ZNF248: variants seen among roughly 807,000 people sequenced by gnomAD.
ZNF248 encodes KRAB protein domain.
A neutral mutation model predicts 44.3 loss-of-function variants in ZNF248; 20 were observed. The ratio of observed to expected loss-of-function variants is 0.45; its 90% CI spans 0.32 to 0.66. ZNF248 has a LOEUF of 0.66. Among genes scored for constraint, ZNF248 ranks in the 30% least tolerant of loss-of-function variants. The pLI is 0.04. For synonymous variants in ZNF248, 224 were observed against 229.0 expected, an observed-to-expected ratio of 0.98 and a Z score of 0.20; for missense variants, 654 against 677.0, an observed-to-expected ratio of 0.97 and a Z score of 0.38.
chr10:37,819,371 A>G, intron 6 of ZNF248: 1 of 1,307,856 alleles, frequency 7.6e-7, no homozygotes, highest in South Asian at 1.2e-5. Context: ...TTCTTTATGA[A>G]TCCAGTATTC....
rs2057523886 is a variant in ZNF248 at position 37,837,815 on chromosome 10, GA to G, written c.143-104del. ...GGCACAGCTTCACCAGCTACTCAAAGAATGTGCACAAATGAACCAATCTCTG... is the reference window on the plus strand; with the variant it reads ...GGCACAGCTTCACCAGCTACTCAAAGATGTGCACAAATGAACCAATCTCTG... On this transcript the variant is annotated intron_variant, in intron 4 of 5. Transcript: ENST00000395867. The G allele has an allele frequency of 2.2e-6, 3 of 1,376,398 alleles. No individual in the cohort carries two copies. In the African/African-American group the frequency reaches 4.3e-5, roughly 20 times the overall value. The allele number at this position is 1,376,398 out of a possible 1,614,324, so 85.3% of individuals were successfully genotyped here. A position where few individuals can be genotyped will look rare whatever the true frequency, so the allele number is the denominator to read the frequency against.
chr10:37,758,890 C>T, the ZNF248 span, among the ~76,000 whole-genome samples: 8 of 152,312 alleles, frequency 5.3e-5, no homozygotes, highest in South Asian at 8.3e-4. Flanking sequence ...ACAGGATATG[C>T]GTTGTCCTTA....
chr10:37,791,502 T>C (rs564174839), intron 6 of ZNF248: 1 of 152,292 alleles, frequency 6.6e-6, no homozygotes, highest in Admixed American at 6.5e-5. Flanking sequence ...TTTTTCTGTT[T>C]TTCATATACC....
intron 6 of ZNF248, chr10:37,803,319 A>G (rs984188501): frequency 2.0e-5 from 3 of 152,264 alleles, no homozygotes; most frequent in African/African-American, 7.2e-5. Flanking sequence ...GGAGGAGCAC[A>G]GGGACAAGTT....
chr10:37,821,754 T>G (rs575649437), intron 6 of ZNF248, among the ~76,000 whole-genome samples: 3 of 152,294 alleles, frequency 2.0e-5, no homozygotes, highest in Admixed American at 2.0e-4. Context: ...AGGACAGGCT[T>G]GAAAACACAA....
intron 6 of ZNF248, among the ~76,000 whole-genome samples, chr10:37,780,075 A>G (rs2047091164): frequency 6.7e-6 from 1 of 150,138 alleles, no homozygotes; most frequent in East Asian, 1.9e-4. Flanking sequence ...AATATTGTGA[A>G]AATGGCCATA....
intron 3 of ZNF248, among the ~76,000 whole-genome samples, chr10:37,839,343 T>A (rs1392722526): frequency 6.6e-6 from 1 of 152,174 alleles, no homozygotes; most frequent in Non-Finnish European, 1.5e-5. Context: ...TAGCCATAAG[T>A]ATGACTATGG....
Position 37,841,622 on chromosome 10 carries a change from G to A in ZNF248, c.16-3511C>T, listed in dbSNP as rs1010641858. Among the ~76,000 whole-genome samples, 4 of 152,300 alleles carry A rather than the reference G, an allele frequency of 2.6e-5. No individual in the cohort carries two copies. In the East Asian group the frequency reaches 5.8e-4, roughly 22 times the overall value. On this transcript the variant is annotated intron_variant, in intron 3 of 5. Transcript: ENST00000395867. ...TACTCTGCCATCAAGGAGGTGTAGC[G>A]TAACTCTCCACTTCATTCCAAAGAG...
At chr10:37,802,333 G>T (rs1246883581) in intron 6 of ZNF248, among the ~76,000 whole-genome samples, 1 of 152,122 alleles carries the variant, frequency 6.6e-6, no homozygotes, top group African/African-American at 2.4e-5. Context: ...AGACTCACCT[G>T]CCTAGAAAAC....
Position 37,829,464 on chromosome 10 carries a change from C to G in ZNF248, c.*2151G>C, listed in dbSNP as rs2055035338. 3.0e-6 allele frequency: 3 copies of G among 985,268 alleles called. No homozygotes were observed. Among genetic ancestry groups the G allele is most frequent in the Non-Finnish European group, 3.6e-6 (3 of 829,934 alleles). 61.0% of individuals were successfully genotyped at this position (985,268 alleles called of 1,614,324 possible). ...TTGTGAAAAGAAATAATTCTTCCCC[C>G]TAATTACCATATAGAACATTAACAC... is the stretch of plus-strand genomic sequence containing the variant. On this transcript the variant is annotated 3_prime_UTR_variant, in exon 6 of 6. Coordinates refer to ENST00000395867, the MANE Select transcript of ZNF248 (RefSeq NM_021045.3).
Position 37,831,505 on chromosome 10 carries a change from T to C in ZNF248, c.*110A>G. 2 of 1,474,224 alleles carry C rather than the reference T, an allele frequency of 1.4e-6. No homozygotes were observed. The highest frequency in any genetic ancestry group is 1.8e-6 in the Non-Finnish European group (2 of 1,114,746). The allele number at this position is 1,474,224 out of a possible 1,614,324, so 91.3% of individuals were successfully genotyped here. On this transcript the variant is annotated 3_prime_UTR_variant, in exon 6 of 6. Coordinates refer to ENST00000395867, the MANE Select transcript of ZNF248 (RefSeq NM_021045.3). ...AATTTTTCTTGAAAGCTTTTACATA[T>C]TCAAACAAGAAGTCATTTTCTACAA... is the stretch of plus-strand genomic sequence containing the variant.
chr10:37,820,426 C>T (rs1462767299), intron 6 of ZNF248: 53 of 1,554,476 alleles, frequency 3.4e-5, no homozygotes, highest in Middle Eastern at 4.2e-4. Context: ...ACTGCTCCTC[C>T]GTTGCCTCCT....
chr10:37,814,050 A>G (rs1366130117), intron 6 of ZNF248, among the ~76,000 whole-genome samples: 1 of 152,120 alleles, frequency 6.6e-6, no homozygotes, highest in Non-Finnish European at 1.5e-5. Context: ...TACATCTATC[A>G]TTGCGCTTTT....
intron 6 of ZNF248, among the ~76,000 whole-genome samples, chr10:37,805,168 C>A (rs552598720): frequency 7.9e-5 from 12 of 152,188 alleles, no homozygotes; most frequent in African/African-American, 1.4e-4. Context: ...AGAGGAGGAG[C>A]CTTGCCTGGG....
chr10:37,828,462 C>T (rs182673645), downstream of ZNF248, among the ~76,000 whole-genome samples: 1 of 152,276 alleles, frequency 6.6e-6, no homozygotes, highest in East Asian at 1.9e-4. Context: ...AATAAGGACA[C>T]AAACTCTCTG....
At chr10:37,793,505 C>T (rs958394989) in intron 6 of ZNF248, among the ~76,000 whole-genome samples, 2 of 152,070 alleles carry the variant, frequency 1.3e-5, no homozygotes, top group Admixed American at 6.6e-5. Context: ...TCAAATATAA[C>T]ATTTTACATT....
At chr10:37,853,972 C>T (rs1232123098) in intron 3 of ZNF248, among the ~76,000 whole-genome samples, 2 of 152,130 alleles carry the variant, frequency 1.3e-5, no homozygotes, top group African/African-American at 4.8e-5. Context: ...AGTCGTAATA[C>T]TAAAGATACC....
intron 3 of ZNF248, among the ~76,000 whole-genome samples, chr10:37,848,204 A>G (rs2059643949): frequency 6.8e-6 from 1 of 147,762 alleles, no homozygotes; most frequent in South Asian, 2.2e-4. Flanking sequence ...ACCCAGGAGG[A>G]GGAAGTTGCA....
At position 37,815,700 on chromosome 10, in the gene ZNF248, TTTG is replaced by T. The variant is rs954089610; in HGVS notation, c.330+17322_330+17324del. Among the ~76,000 whole-genome samples, 14 of 152,208 alleles carry T rather than the reference TTTG, an allele frequency of 9.2e-5. No individual in the cohort carries two copies. The South Asian group carries it at 2.3e-3, about 25-fold the overall frequency. Reference sequence around the variant, plus strand: ...GTTTCTTTGTTCATCTTTTGATTTTTTTGTTGTTGTTGAAAAGTGGACATTTGA... The same window carrying T: ...GTTTCTTTGTTCATCTTTTGATTTTTTTGTTGTTGAAAAGTGGACATTTGA... On this transcript the variant is annotated intron_variant, in intron 6 of 6. Transcript: ENST00000615949.
Sources: allele counts gnomAD v4.1 joint callset (sites outside exome capture counted in the v4.1 genomes callset), GRCh38; gene constraint gnomAD v4.1.1; transcripts MANE v1.5; gene names NCBI Gene and HGNC (gene_info 2026-07-23, HGNC 2026-07-21).